Variants in MYO9B observed in about 807,000 individuals in gnomAD.
The protein encoded by MYO9B is unconventional myosin-IXb.
Under a neutral mutation model 229.5 loss-of-function variants are expected in MYO9B, and 71 were observed. The observed-to-expected ratio is 0.31, with a 90% CI of 0.26 to 0.38. The LOEUF is 0.38. Among genes scored for constraint, MYO9B ranks in the 10% least tolerant of loss-of-function variants. The pLI is 1.00. For missense variants in MYO9B, 2,255 were observed against 2,920.5 expected, an observed-to-expected ratio of 0.77 and a Z score of 5.25; for synonymous variants, 1,185 against 1,235.8, an observed-to-expected ratio of 0.96 and a Z score of 0.86.
At chr19:17,125,552 T>C (rs1014356793) in intron 2 of MYO9B, among the ~76,000 whole-genome samples, 3 of 152,132 alleles carry the variant, frequency 2.0e-5, no homozygotes, top group African/African-American at 7.2e-5. Flanking sequence ...CCCACCCCTG[T>C]AGGGTTTGCT....
At chr19:17,177,800 C>G (rs2072807356) in intron 14 of MYO9B, 1 of 152,682 alleles carries the variant, frequency 6.5e-6, no homozygotes, top group Non-Finnish European at 1.5e-5. Context: ...CTTTCAGCTG[C>G]TCAATGCTAG....
intron 2 of MYO9B, among the ~76,000 whole-genome samples, chr19:17,138,267 A>T (rs1015140091): frequency 2.0e-5 from 3 of 152,090 alleles, no homozygotes; most frequent in African/African-American, 7.2e-5. Flanking sequence ...TCCATAGTGT[A>T]TATGTGCCAC....
chr19:17,202,893 C>T lies in MYO9B; in HGVS notation c.4878+10C>T. On this transcript the variant is annotated intron_variant, in intron 29 of 39. Coordinates refer to ENST00000682292, the MANE Select transcript of MYO9B (RefSeq NM_004145.4). ...GAAGCAGGAGCGTGCTGTGAGTAGG[C>T]TGCACATAGATGAGAGTCCGAGCAG... 1 of 1,599,500 alleles carries T rather than the reference C, an allele frequency of 6.3e-7. No homozygotes were observed. The highest frequency in any genetic ancestry group is 1.3e-5 in the African/African-American group (1 of 74,722).
At position 17,202,202 on chromosome 19, in the gene MYO9B, G is replaced by C. The variant is rs1223943947; in HGVS notation, c.4735G>C (p.Glu1579Gln). 2 of 1,612,936 alleles carry C rather than the reference G, an allele frequency of 1.2e-6. No homozygotes were observed. Among genetic ancestry groups the C allele is most frequent in the African/African-American group, 2.7e-5 (2 of 74,892 alleles). The change falls in exon 28 of 40, where the codon GAG becomes CAG. Residue 1579 changes from glutamate (E) to glutamine (Q), a missense_variant. Physicochemically the swap from Glu to Gln is conservative, Grantham distance 29. Transcript: ENST00000682292. ...YQIVVSNLAT[E>Q]RGQKDTNLVL... ...GATCGTCGTCAGCAACCTGGCCACT[G>C]AGCGTGGCCAGAAGGACACCAACCT...
chr19:17,176,208 T>C (rs1007625478), intron 14 of MYO9B, among the ~76,000 whole-genome samples: 3 of 151,172 alleles, frequency 2.0e-5, no homozygotes, highest in African/African-American at 7.3e-5. Flanking sequence ...TTCTTTTGTA[T>C]TTTTTTTTAA....
At position 17,210,740 on chromosome 19, in the gene MYO9B, T is replaced by C; in HGVS notation, c.5822T>C (p.Ile1941Thr). ...VLNKSPKTRDIQEEELEVLLE... is the reference protein window; with the variant it reads ...VLNKSPKTRDTQEEELEVLLE... The stretch of plus-strand genomic sequence containing the variant: ...AACAAGAGCCCCAAGACCCGGGACA[T>C]CCAGGAGGAGGAGCTGGAGGTGCTG... Residue 1941 changes from isoleucine to threonine, a missense_variant, in exon 38 of 40, where the codon ATC becomes ACC. Ile to Thr is a moderately conservative substitution (Grantham distance 89). Around this residue, in one of 7 missense-constraint regions of MYO9B, gnomAD observed 331 missense variants for 332.5 expected, o/e 1.00. Coordinates refer to ENST00000682292, the MANE Select transcript of MYO9B (RefSeq NM_004145.4). The C allele has an allele frequency of 6.4e-7, 1 of 1,559,206 alleles. No homozygotes were observed. Among genetic ancestry groups the C allele is most frequent in the Non-Finnish European group, 8.7e-7 (1 of 1,151,838 alleles).
At chr19:17,088,096 T>C (rs2057600990) in intron 1 of MYO9B, among the ~76,000 whole-genome samples, 1 of 152,054 alleles carries the variant, frequency 6.6e-6, no homozygotes, top group Non-Finnish European at 1.5e-5. Flanking sequence ...CAAGAGTCCA[T>C]CTCAAAAAAG....
chr19:17,207,382 A>G, intron 35 of MYO9B, 138 bp downstream of exon 35: 1 of 1,250,752 alleles, frequency 8.0e-7, no homozygotes, highest in Non-Finnish European at 1.1e-6. Flanking sequence ...CTGTAATCCT[A>G]GCTACTTTGG....
At chr19:17,099,482 C>A (rs1217509595) in intron 1 of MYO9B, among the ~76,000 whole-genome samples, 1 of 152,062 alleles carries the variant, frequency 6.6e-6, no homozygotes, top group Non-Finnish European at 1.5e-5. Context: ...GTGGCTCACT[C>A]CTGTAATCCT....
At chr19:17,121,963 G>A (rs1341456081) in intron 2 of MYO9B, among the ~76,000 whole-genome samples, 1 of 151,894 alleles carries the variant, frequency 6.6e-6, no homozygotes, top group Non-Finnish European at 1.5e-5. Flanking sequence ...TCCAGCCTGG[G>A]CGACAGGAAT....
intron 34 of MYO9B, 100 bp from the exon 35 acceptor site, chr19:17,207,013 T>G: frequency 6.7e-7 from 1 of 1,488,102 alleles, no homozygotes. Flanking sequence ...GGCACTGCTT[T>G]CCCAACAGCC....
chr19:17,098,409 G>C (rs2057713230), intron 1 of MYO9B, among the ~76,000 whole-genome samples: 1 of 152,038 alleles, frequency 6.6e-6, no homozygotes, highest in Admixed American at 6.6e-5. Flanking sequence ...TGTCCTTTAG[G>C]ATAATCACTC....
chr19:17,134,381 G>GTTTTT lies in MYO9B; in HGVS notation c.841-10992_841-10988dup, dbSNP rs869297825. ...CTTTGTTTTTTTTTTCGTTTTGTTT[G>GTTTTT]TTTTTTTTTTTTTTTTTTTTTTTTT... is the stretch of plus-strand genomic sequence containing the variant. On this transcript the variant is annotated intron_variant, in intron 2 of 39. Coordinates refer to ENST00000682292, the MANE Select transcript of MYO9B (RefSeq NM_004145.4). Among the ~76,000 whole-genome samples, 58 of 46,476 alleles carry GTTTTT rather than the reference G, an allele frequency of 1.2e-3. 4 individuals carry two copies. Among genetic ancestry groups the GTTTTT allele is most frequent in the East Asian group, 0.012 (15 of 1,260 alleles). 30.5% of individuals were successfully genotyped at this position (46,476 alleles called of 152,430 possible). A position where few individuals can be genotyped will look rare whatever the true frequency, so the allele number is the denominator to read the frequency against.
chr19:17,113,582 CAGA>C (rs1167714629), intron 2 of MYO9B, among the ~76,000 whole-genome samples: 3 of 152,130 alleles, frequency 2.0e-5, no homozygotes, highest in South Asian at 2.1e-4. Context: ...GGTGCAAGGA[CAGA>C]AGGAGGAGGT....
Position 17,169,802 on chromosome 19 carries a change from C to CTTTTTTTT in MYO9B, c.1793+1760_1793+1767dup, listed in dbSNP as rs762583073. ...TCATTCATCTCAATCCTGTCTCCTC[C>CTTTTTTTT]TTTTTTTTTTTTTTTTTTTTTTTTT... On this transcript the variant is annotated intron_variant, in intron 11 of 39. Coordinates refer to ENST00000682292, the MANE Select transcript of MYO9B (RefSeq NM_004145.4). Among the ~76,000 whole-genome samples, 150 of 106,590 alleles carry CTTTTTTTT rather than the reference C, an allele frequency of 1.4e-3. 8 individuals carry two copies. Among genetic ancestry groups the CTTTTTTTT allele is most frequent in the African/African-American group, 6.0e-3 (145 of 24,192 alleles). 69.9% of individuals were successfully genotyped at this position (106,590 alleles called of 152,430 possible).
chr19:17,159,350 C>T, intron 7 of MYO9B, 45 bp from the exon 8 acceptor site: 3 of 1,523,744 alleles, frequency 2.0e-6, no homozygotes, highest in Non-Finnish European at 2.7e-6. Flanking sequence ...CCTGATAAGT[C>T]CTCCATCTCC....
intron 21 of MYO9B, 124 bp from the exon 22 acceptor site, chr19:17,194,432 A>G (rs1039034209): frequency 1.0e-5 from 11 of 1,063,698 alleles, no homozygotes; most frequent in African/African-American, 1.6e-5. Flanking sequence ...AGCATCTCTC[A>G]GGGCCACTGG....
Position 17,170,670 on chromosome 19 carries a change from A to AAAC in MYO9B, c.1794-1664_1794-1663insCAA, listed in dbSNP as rs1555700194. 1.1e-3 allele frequency among the ~76,000 whole-genome samples: 125 copies of AAAC among 113,124 alleles called. 6 individuals are homozygous for AAAC. The highest frequency in any genetic ancestry group is 4.5e-3 in the African/African-American group (116 of 25,710). The allele number at this position is 113,124 out of a possible 152,430, so 74.2% of individuals were successfully genotyped here. A position where few individuals can be genotyped will look rare whatever the true frequency, so the allele number is the denominator to read the frequency against. ...TACAAAAAAAAAAAAAAAAAAAAAA[A>AAAC]AAAACTAGCTGGGCACAGTGGCATG... On this transcript the variant is annotated intron_variant, in intron 11 of 39. Coordinates refer to ENST00000682292, the MANE Select transcript of MYO9B (RefSeq NM_004145.4).
chr19:17,087,948 A>C (rs1382666101), intron 1 of MYO9B, among the ~76,000 whole-genome samples: 3 of 150,812 alleles, frequency 2.0e-5, no homozygotes, highest in Non-Finnish European at 2.9e-5. Context: ...AAAAAAACGA[A>C]AATTAGCCAG....
Sources: allele counts gnomAD v4.1 joint callset (sites outside exome capture counted in the v4.1 genomes callset), GRCh38; gene constraint gnomAD v4.1.1; regional missense constraint gnomAD v4.1.1; transcripts MANE v1.5; gene names NCBI Gene and HGNC (gene_info 2026-07-23, HGNC 2026-07-21).